The following FEM1B variants were observed in gnomAD, a reference collection of about 807,000 sequenced individuals.
The protein encoded by FEM1B is protein fem-1 homolog B.
FEM1B carries 10 observed loss-of-function variants against 38.6 expected under a neutral mutation model. The ratio of observed to expected loss-of-function variants is 0.26; its 90% CI spans 0.16 to 0.44. The LOEUF is 0.44. Ranked by LOEUF, FEM1B falls within the 20% of genes least tolerant of loss-of-function variation. The pLI, the probability that FEM1B is intolerant of heterozygous loss-of-function variation, is 1.00. For synonymous variants in FEM1B, 288 were observed against 288.0 expected (o/e 1.00, Z 0.00); for missense variants, 471 against 786.7 (o/e 0.60, Z 4.80).
chr15:68,291,194 C>T lies in FEM1B; in HGVS notation c.1836C>T (p.Tyr612=), dbSNP rs374580566. The T allele has an allele frequency of 9.3e-6, 15 of 1,612,122 alleles. No individual in the cohort carries two copies. In the African/African-American group the frequency reaches 1.2e-4, roughly 13 times the overall value. The change falls in exon 2 of 2, where the codon TAC becomes TAT. Residue 612 remains tyrosine, a synonymous_variant. Transcript: ENST00000306917. The surrounding 1 kb of genome is among the most constrained non-coding windows in gnomAD (Gnocchi z 6.9). ...ARAVRANDIN[Y]QDQIPRTLEE... is the part of the protein sequence containing the mutation. ...CAGTTCGGGCTAATGACATTAACTA[C>T]CAAGACCAGATCCCCAGAACTCTTG...
chr15:68,287,921 C>T (rs914018271), intron 1 of FEM1B, among the ~76,000 whole-genome samples: 2 of 150,802 alleles, frequency 1.3e-5, no homozygotes, highest in African/African-American at 2.4e-5. Flanking sequence ...GCAACCTCTG[C>T]CTCCCAGGTT....
In FEM1B at chr15:68,278,697, C is replaced by T; in HGVS notation, c.248+32C>T. Reference sequence around the variant, plus strand: ...ACATCCCAAGCCAGCCTCTCTCCGACGCGCGCGGACTCGTTAATTCACGGG... The same window carrying T: ...ACATCCCAAGCCAGCCTCTCTCCGATGCGCGCGGACTCGTTAATTCACGGG... On this transcript the variant is annotated intron_variant, in intron 1 of 1. Coordinates refer to ENST00000306917, the MANE Select transcript of FEM1B (RefSeq NM_015322.5). The surrounding 1 kb of genome is among the most constrained non-coding windows in gnomAD (Gnocchi z 5.7). 1 of 1,610,064 alleles carries T rather than the reference C, an allele frequency of 6.2e-7. No homozygotes were observed. Among genetic ancestry groups the T allele is most frequent in the Non-Finnish European group, 8.5e-7 (1 of 1,176,744 alleles).
At position 68,288,207 on chromosome 15, in the gene FEM1B, T is replaced by A. The variant is rs1364848066; in HGVS notation, c.249-1400T>A. ...ATGACCTAATCACCTCTTCAAGACA[T>A]CACCTCTTAATGCTATTCACGTTTG... On this transcript the variant is annotated intron_variant, in intron 1 of 1. Coordinates refer to ENST00000306917, the MANE Select transcript of FEM1B (RefSeq NM_015322.5). The surrounding 1 kb of genome is among the most constrained non-coding windows in gnomAD (Gnocchi z 4.6). Among the ~76,000 whole-genome samples the A allele has an allele frequency of 6.6e-6, 1 of 152,180 alleles. No individual in the cohort carries two copies. The highest frequency in any genetic ancestry group is 2.4e-5 in the African/African-American group (1 of 41,434).
In FEM1B at chr15:68,278,433, G is replaced by A; in HGVS notation, c.16G>A (p.Gly6Ser). 6.2e-7 allele frequency: 1 copy of A among 1,612,534 alleles called. No homozygotes were observed. Among genetic ancestry groups the A allele is most frequent in the Non-Finnish European group, 8.5e-7 (1 of 1,179,766 alleles). The change falls in exon 1 of 2, where the codon GGC becomes AGC. Residue 6 changes from glycine to serine, a missense_variant. This residue lies in a region of FEM1B where 91 missense variants were observed against 169.6 expected (regional missense o/e 0.54). Transcript: ENST00000306917. The surrounding 1 kb of genome is among the most constrained non-coding windows in gnomAD (Gnocchi z 5.7). ...GGCGGCGGCCATGGAGGGCCTGGCTGGCTATGTATACAAGGCGGCCAGCGA... is the reference window on the plus strand; with the variant it reads ...GGCGGCGGCCATGGAGGGCCTGGCTAGCTATGTATACAAGGCGGCCAGCGA... MEGLA[G>S]YVYKAASEGK...
At chr15:68,279,764 C>A (rs1173679709) in intron 1 of FEM1B, among the ~76,000 whole-genome samples, 1 of 152,106 alleles carries the variant, frequency 6.6e-6, no homozygotes, top group Non-Finnish European at 1.5e-5. Context: ...GCTTTTTCTT[C>A]TATTTTAGAT....
In FEM1B at chr15:68,289,979, A is replaced by G; in HGVS notation, c.621A>G (p.Ile207Met). 6.2e-7 allele frequency: 1 copy of G among 1,614,222 alleles called. No individual in the cohort carries two copies. Among genetic ancestry groups the G allele is most frequent in the Non-Finnish European group, 8.5e-7 (1 of 1,180,022 alleles). ...ACATAGATATTGTGAAAGAGCTGAT[A>G]AAATGGCGTGCTGCTATAGTAGTGA... ...AGHIDIVKEL[I>M]KWRAAIVVNG... Residue 207 changes from isoleucine (I) to methionine (M), a missense_variant, in exon 2 of 2, where the codon ATA (isoleucine) becomes ATG (methionine). Ile to Met is a conservative substitution (Grantham distance 10). Around this residue, in one of 3 missense-constraint regions of FEM1B, gnomAD observed 380 missense variants for 599.6 expected, o/e 0.63. Transcript: ENST00000306917. This position sits in a 1 kb window ranked among gnomAD's most constrained non-coding sequence, Gnocchi z 6.9.
rs1484497471 is a variant in FEM1B at position 68,281,394 on chromosome 15, A to G, written c.248+2729A>G. 1.3e-5 allele frequency among the ~76,000 whole-genome samples: 2 copies of G among 152,152 alleles called. No homozygotes were observed. The highest frequency in any genetic ancestry group is 1.3e-4 in the Admixed American group (2 of 15,278). On this transcript the variant is annotated intron_variant, in intron 1 of 1. Transcript: ENST00000306917. The surrounding 1 kb of genome is among the most constrained non-coding windows in gnomAD (Gnocchi z 5.1). The stretch of plus-strand genomic sequence containing the variant: ...TATTTGCTTGATAGTTGTCTTCAGA[A>G]TGTTTTACTTCTTAGCTTCATCCCA...
rs756709306 is a variant in FEM1B, at chr15:68,281,907, C to T, written c.248+3242C>T. On this transcript the variant is annotated intron_variant, in intron 1 of 1. Coordinates refer to ENST00000306917, the MANE Select transcript of FEM1B (RefSeq NM_015322.5). This position sits in a 1 kb window ranked among gnomAD's most constrained non-coding sequence, Gnocchi z 5.1. ...GGGATTACAGGCTTGAGCCACTGTG[C>T]GCGGCCTCTTGTTCACATTTTTAGG... is the stretch of plus-strand genomic sequence containing the variant. Among the ~76,000 whole-genome samples the T allele has an allele frequency of 5.3e-5, 8 of 152,152 alleles. No homozygotes were observed. Among genetic ancestry groups the T allele is most frequent in the African/African-American group, 9.7e-5 (4 of 41,440 alleles).
In FEM1B at chr15:68,295,554, C is replaced by G. The variant is rs1892897177; in HGVS notation, c.*4312C>G. Reference sequence around the variant, plus strand: ...TCACCCCATCCTGCAATCCTCCGTGCAGAGGAACTACACTGTTGTATTCTA... The same window carrying G: ...TCACCCCATCCTGCAATCCTCCGTGGAGAGGAACTACACTGTTGTATTCTA... On this transcript the variant is annotated 3_prime_UTR_variant, in exon 2 of 2. Transcript: ENST00000306917. 6.6e-6 allele frequency: 1 copy of G among 152,164 alleles called. No individual in the cohort carries two copies. The highest frequency in any genetic ancestry group is 2.1e-4 in the South Asian group (1 of 4,830). The allele number at this position is 152,164 out of a possible 1,614,324, so 9.4% of individuals were successfully genotyped here.
rs1567112409 is a variant in FEM1B, at chr15:68,279,996, T to C, written c.248+1331T>C. The C allele has an allele frequency of 2.0e-5, 3 of 152,320 alleles. No homozygotes were observed. In the East Asian group the frequency reaches 5.8e-4, roughly 29 times the overall value. 9.4% of individuals were successfully genotyped at this position (152,320 alleles called of 1,614,324 possible). On this transcript the variant is annotated intron_variant, in intron 1 of 1. Transcript: ENST00000306917. ...AGAGAAGGAGTGAAGCACAGTGACC[T>C]CTGAACCTCCAGTACCGTTCCACCT...
intron 1 of FEM1B, among the ~76,000 whole-genome samples, chr15:68,282,733 C>A (rs1387358085): frequency 1.3e-5 from 2 of 152,138 alleles, no homozygotes; most frequent in Non-Finnish European, 2.9e-5. Context: ...TTAGTAAATA[C>A]TGCATTAATT....
In FEM1B at chr15:68,280,497, CAG is replaced by C. The variant is rs1369415573; in HGVS notation, c.248+1833_248+1834del. On this transcript the variant is annotated intron_variant, in intron 1 of 1. Coordinates refer to ENST00000306917, the MANE Select transcript of FEM1B (RefSeq NM_015322.5). The surrounding 1 kb of genome is among the most constrained non-coding windows in gnomAD (Gnocchi z 4.2). ...AATCATTTGGACTACTGAGAGAAAA[CAG>C]GGAAAGGAAGTGCTGTTTTATCCGG... 6.6e-6 allele frequency among the ~76,000 whole-genome samples: 1 copy of C among 152,104 alleles called. No homozygotes were observed. The highest frequency in any genetic ancestry group is 2.4e-5 in the African/African-American group (1 of 41,396).
rs560906565 is a variant in FEM1B, at chr15:68,284,353, G to T, written c.249-5254G>T. 3.4e-4 allele frequency among the ~76,000 whole-genome samples: 50 copies of T among 147,560 alleles called. No homozygotes were observed. The highest frequency in any genetic ancestry group is 6.0e-4 in the Admixed American group (9 of 15,068). ...AATACAGTGCTTGGCACTGTATTTG[G>T]TATAAATTACCAAAGTAATTTGGTA... On this transcript the variant is annotated intron_variant, in intron 1 of 1. Transcript: ENST00000306917. The surrounding 1 kb of genome is among the most constrained non-coding windows in gnomAD (Gnocchi z 4.4).
At chr15:68,286,526 A>G (rs1892789629) in intron 1 of FEM1B, among the ~76,000 whole-genome samples, 2 of 151,896 alleles carry the variant, frequency 1.3e-5, no homozygotes, top group South Asian at 4.1e-4. Context: ...TAGGATTTTC[A>G]TTTGGTTTAT....
In FEM1B at chr15:68,295,048, T is replaced by TC. The variant is rs948606440; in HGVS notation, c.*3811dup. On this transcript the variant is annotated 3_prime_UTR_variant, in exon 2 of 2. Transcript: ENST00000306917. ...ATGGGCTGGGTTATACAGCATGCCC[T>TC]CCCCCAAATAAGGGATCTGAAATAA... 1 of 152,182 alleles carries TC rather than the reference T, an allele frequency of 6.6e-6. No homozygotes were observed. Among genetic ancestry groups the TC allele is most frequent in the Admixed American group, 6.5e-5 (1 of 15,276 alleles). 9.4% of individuals were successfully genotyped at this position (152,182 alleles called of 1,614,324 possible).
In FEM1B at chr15:68,294,150, C is replaced by G. The variant is rs1266478348; in HGVS notation, c.*2908C>G. 1 of 152,086 alleles carries G rather than the reference C, an allele frequency of 6.6e-6. No homozygotes were observed. Among genetic ancestry groups the G allele is most frequent in the Non-Finnish European group, 1.5e-5 (1 of 67,996 alleles). 9.4% of individuals were successfully genotyped at this position (152,086 alleles called of 1,614,324 possible). On this transcript the variant is annotated 3_prime_UTR_variant, in exon 2 of 2. Transcript: ENST00000306917. The surrounding 1 kb of genome is among the most constrained non-coding windows in gnomAD (Gnocchi z 4.4). ...TTAACTCAAGGAATGGGCGGCAAAC[C>G]CATCCCCTCGATTGATAAAGAAGGG... is the stretch of plus-strand genomic sequence containing the variant.
chr15:68,282,604 G>A (rs1193469161), intron 1 of FEM1B, among the ~76,000 whole-genome samples: 1 of 152,092 alleles, frequency 6.6e-6, no homozygotes, highest in Admixed American at 6.5e-5. Context: ...TGTTTGAAAA[G>A]GTGAATATCA....
rs1008635187 is a variant in FEM1B, at chr15:68,294,880, G to A, written c.*3638G>A. 2 of 152,082 alleles carry A rather than the reference G, an allele frequency of 1.3e-5. No homozygotes were observed. The highest frequency in any genetic ancestry group is 1.3e-4 in the Admixed American group (2 of 15,260). 9.4% of individuals were successfully genotyped at this position (152,082 alleles called of 1,614,324 possible). ...GCTATGAAATATTTTTAGTCCAGAG[G>A]TTTTAAGCTGTGTGTCCATTCCTAC... On this transcript the variant is annotated 3_prime_UTR_variant, in exon 2 of 2. Transcript: ENST00000306917. The surrounding 1 kb of genome is among the most constrained non-coding windows in gnomAD (Gnocchi z 4.4).
intron 1 of FEM1B, among the ~76,000 whole-genome samples, chr15:68,282,939 G>A (rs1471026356): frequency 1.3e-5 from 2 of 152,138 alleles, no homozygotes; most frequent in Non-Finnish European, 2.9e-5. Flanking sequence ...TGAAGGACCA[G>A]TCTTGTGAAA....
Sources: gnomAD v4.1 joint callset for allele counts (sites outside exome capture counted in the v4.1 genomes callset) on GRCh38, gnomAD v4.1.1 for gene constraint, gnomAD v4.1.1 regional missense constraint, Gnocchi (gnomAD v3.1) non-coding constraint, MANE v1.5 for transcripts, NCBI Gene and HGNC (gene_info 2026-07-23, HGNC 2026-07-21) for gene names.